The following UBN2 variants were observed in gnomAD, a reference collection of about 807,000 sequenced individuals.
UBN2 encodes the protein ubinuclein 2, also known as ubinuclein-2.
In UBN2, 35 loss-of-function variants were observed where a neutral mutation model predicts 120.2. The ratio of observed to expected loss-of-function variants is 0.29; its 90% CI spans 0.22 to 0.39. UBN2 has a LOEUF of 0.39. Among genes scored for constraint, UBN2 ranks in the 10% least tolerant of loss-of-function variants. The probability of loss-of-function intolerance (pLI) is 1.00; values close to 1 mark genes in which losing one functional copy is unlikely to be tolerated. For missense variants in UBN2, 1,693 were observed against 1,663.2 expected, an observed-to-expected ratio of 1.02 and a Z score of -0.31; for synonymous variants, 661 against 648.7, an observed-to-expected ratio of 1.02 and a Z score of -0.29.
chr7:139,249,942 C>T (rs1796576381), intron 2 of UBN2, among the ~76,000 whole-genome samples: 1 of 152,134 alleles, frequency 6.6e-6, no homozygotes, highest in Non-Finnish European at 1.5e-5. Context: ...CTCTCGCAAT[C>T]CTCCTGCCTT....
chr7:139,258,431 AT>A, intron 3 of UBN2, 56 bp from the exon 4 acceptor site: 1 of 1,368,790 alleles, frequency 7.3e-7, no homozygotes. Flanking sequence ...TTTCTTTGAC[AT>A]TTATAGAGTT....
At chr7:139,277,474 A>T (rs1248454361) in intron 12 of UBN2, 1 of 152,248 alleles carries the variant, frequency 6.6e-6, no homozygotes, top group Non-Finnish European at 1.5e-5. Context: ...AAGAAAAGAA[A>T]ATGTTAAGAA....
At chr7:139,232,209 C>G (rs4732360) in intron 1 of UBN2, among the ~76,000 whole-genome samples, 1 of 151,856 alleles carries the variant, frequency 6.6e-6, no homozygotes, top group African/African-American at 2.4e-5. Context: ...GCGCCGAGCT[C>G]GTTTTCTTGT....
At chr7:139,232,094 G>A in intron 1 of UBN2, 142 bp downstream of exon 1, 1 of 727,064 alleles carries the variant, frequency 1.4e-6, no homozygotes, top group Non-Finnish European at 2.1e-6. Flanking sequence ...GGGGCCGAGC[G>A]GGTGGACGGG....
At chr7:139,272,197 T>G in intron 8 of UBN2, 125 bp from the exon 9 acceptor site, 2 of 647,212 alleles carry the variant, frequency 3.1e-6, no homozygotes, top group Non-Finnish European at 5.3e-6. Flanking sequence ...ATGTCCATAT[T>G]TAGATATGCT....
rs1161484759 is a variant in UBN2, at chr7:139,289,414, C to CTTTTTTTTT, written c.3670-3810_3670-3802dup. Among the ~76,000 whole-genome samples the CTTTTTTTTT allele has an allele frequency of 3.9e-3, 489 of 125,718 alleles. 39 individuals are homozygous for CTTTTTTTTT. The highest frequency in any genetic ancestry group is 0.015 in the African/African-American group (467 of 32,106). The allele number at this position is 125,718 out of a possible 152,430, so 82.5% of individuals were successfully genotyped here. The stretch of plus-strand genomic sequence containing the variant: ...ATTGCCCTCCCTAATTTACATTTTG[C>CTTTTTTTTT]TTTTTTTTTTTTTTTTGAGACAGGG... On this transcript the variant is annotated intron_variant, in intron 15 of 17. Coordinates refer to ENST00000473989, the MANE Select transcript of UBN2 (RefSeq NM_173569.4).
At chr7:139,267,678 C>G (rs1041823956) in intron 7 of UBN2, among the ~76,000 whole-genome samples, 1 of 152,118 alleles carries the variant, frequency 6.6e-6, no homozygotes, top group Non-Finnish European at 1.5e-5. Context: ...GCTGATTGAT[C>G]ATTGCTTCTG....
intron 7 of UBN2, among the ~76,000 whole-genome samples, chr7:139,266,829 C>G (rs914743118): frequency 1.3e-5 from 2 of 151,968 alleles, no homozygotes; most frequent in Non-Finnish European, 2.9e-5. Flanking sequence ...TTTGTACAAA[C>G]TTTTATAGTC....
At chr7:139,286,935 A>T (rs1402159383) in intron 15 of UBN2, among the ~76,000 whole-genome samples, 1 of 152,222 alleles carries the variant, frequency 6.6e-6, no homozygotes, top group East Asian at 1.9e-4. Flanking sequence ...CAGAATTCTA[A>T]TGAAGAACAA....
chr7:139,237,160 C>A, intron 2 of UBN2, 63 bp downstream of exon 2: 3 of 1,247,348 alleles, frequency 2.4e-6, no homozygotes, highest in Non-Finnish European at 2.3e-6. Flanking sequence ...CTTTCTGTGG[C>A]TGGTTGGGAG....
chr7:139,321,768 G>C, the UBN2 span, among the ~76,000 whole-genome samples: 5 of 152,266 alleles, frequency 3.3e-5, no homozygotes, highest in East Asian at 9.6e-4. Flanking sequence ...CTCAACTCAT[G>C]GAGTGAAACC....
intron 2 of UBN2, among the ~76,000 whole-genome samples, chr7:139,244,291 G>A (rs1796401902): frequency 6.6e-6 from 1 of 152,316 alleles, no homozygotes; most frequent in Non-Finnish European, 1.5e-5. Context: ...ACTGTGAATA[G>A]TTTGATAGTT....
At chr7:139,239,993 C>T (rs912571562) in intron 2 of UBN2, among the ~76,000 whole-genome samples, 1 of 152,176 alleles carries the variant, frequency 6.6e-6, no homozygotes, top group African/African-American at 2.4e-5. Context: ...AGCATTAAGT[C>T]TTCTTAGTCA....
chr7:139,237,053 A>T lies in UBN2; in HGVS notation c.517A>T (p.Arg173Trp), dbSNP rs184033058. The change falls in exon 2 of 18, where the codon AGG (arginine) becomes TGG (tryptophan). Residue 173 changes from arginine (R) to tryptophan (W), a missense_variant. By Grantham distance (101) the Arg-to-Trp change is moderately radical (BLOSUM62 -3). Transcript: ENST00000473989. ...EDPFNDEHQE[R>W]QEVEMLAKKF... Reference sequence around the variant, plus strand: ...CCCATTTAATGATGAACATCAGGAGAGGCAAGAGGTGGAAATGTTGGCTAA... The same window carrying T: ...CCCATTTAATGATGAACATCAGGAGTGGCAAGAGGTGGAAATGTTGGCTAA... The T allele has an allele frequency of 1.0e-4, 163 of 1,611,430 alleles. No individual in the cohort carries two copies. The Admixed American group carries it at 2.6e-3, about 26-fold the overall frequency.
At chr7:139,279,405 G>A in intron 13 of UBN2, 45 bp downstream of exon 13, 1 of 1,439,094 alleles carries the variant, frequency 6.9e-7, no homozygotes, top group East Asian at 2.3e-5. Context: ...GTTGGTGAAT[G>A]TTGAAATACA....
At position 139,234,246 on chromosome 7, in the gene UBN2, A is replaced by G. The variant is rs1433500243; in HGVS notation, c.468+2294A>G. On this transcript the variant is annotated intron_variant, in intron 1 of 17. Transcript: ENST00000473989. ...TTTTGAAATAGCCATCTATCACTAA[A>G]TAAGATTTTAGCTCCAGATGCTGAA... is the stretch of plus-strand genomic sequence containing the variant. Among the ~76,000 whole-genome samples, 7 of 152,248 alleles carry G rather than the reference A, an allele frequency of 4.6e-5. No individual in the cohort carries two copies. In the East Asian group the frequency reaches 1.3e-3, roughly 29 times the overall value.
chr7:139,236,952 AT>A (rs943461771), intron 1 of UBN2, 52 bp from the exon 2 acceptor site: 1 of 1,117,124 alleles, frequency 9.0e-7, no homozygotes, highest in Non-Finnish European at 1.3e-6. Flanking sequence ...CAATAATAAT[AT>A]TTGTAATACT....
chr7:139,270,389 C>T (rs1360074381), intron 8 of UBN2, among the ~76,000 whole-genome samples: 1 of 151,818 alleles, frequency 6.6e-6, no homozygotes, highest in Non-Finnish European at 1.5e-5. Flanking sequence ...CTGTCTCAGC[C>T]TCCCGAGTAG....
At chr7:139,320,252 A>G in the UBN2 span, among the ~76,000 whole-genome samples, 1 of 151,938 alleles carries the variant, frequency 6.6e-6, no homozygotes, top group Admixed American at 6.6e-5. Flanking sequence ...ACCTGAGGTC[A>G]GGAGTTTGAG....
Sources: gnomAD v4.1 joint callset for allele counts (sites outside exome capture counted in the v4.1 genomes callset) on GRCh38, gnomAD v4.1.1 for gene constraint, MANE v1.5 for transcripts, NCBI Gene and HGNC (gene_info 2026-07-23, HGNC 2026-07-21) for gene names.